The following MEIS2 variants were observed in gnomAD, a reference collection of about 807,000 sequenced individuals.
The protein encoded by MEIS2 is homeobox protein Meis2.
Under a neutral mutation model 58.6 loss-of-function variants are expected in MEIS2, and 9 were observed. That is an observed-to-expected ratio of 0.15 (90% CI 0.09 to 0.27). MEIS2 has a LOEUF of 0.27. Among genes scored for constraint, MEIS2 ranks in the 10% least tolerant of loss-of-function variants. The pLI, the probability that MEIS2 is intolerant of heterozygous loss-of-function variation, is 1.00. For missense variants in MEIS2, 427 were observed against 635.0 expected, an observed-to-expected ratio of 0.67 and a Z score of 3.52; for synonymous variants, 221 against 228.4, an observed-to-expected ratio of 0.97 and a Z score of 0.29.
intron 7 of MEIS2, among the ~76,000 whole-genome samples, chr15:37,082,798 A>C (rs1269553887): frequency 2.0e-5 from 3 of 152,120 alleles, no homozygotes; most frequent in Non-Finnish European, 4.4e-5. Context: ...TCCTAGTCAG[A>C]AGCTTGGAGG....
chr15:36,916,532 AGCAATCCTCCTGTCT>A (rs1288000345), intron 9 of MEIS2, among the ~76,000 whole-genome samples: 1 of 151,848 alleles, frequency 6.6e-6, no homozygotes, highest in Non-Finnish European at 1.5e-5. Context: ...TCTGGGCTCA[AGCAATCCTCCTGTCT>A]CAGCCTCCCA....
chr15:37,073,146 T>C (rs950003710), intron 7 of MEIS2, among the ~76,000 whole-genome samples: 1 of 152,098 alleles, frequency 6.6e-6, no homozygotes, highest in African/African-American at 2.4e-5. Flanking sequence ...GTCACCAAAA[T>C]GGACTTTTTA....
At chr15:36,976,284 C>T (rs2059752460) in intron 8 of MEIS2, among the ~76,000 whole-genome samples, 2 of 151,752 alleles carry the variant, frequency 1.3e-5, no homozygotes, top group South Asian at 2.1e-4. Context: ...CGGGGTTTCA[C>T]CATGTTGGCC....
intron 7 of MEIS2, among the ~76,000 whole-genome samples, chr15:37,067,201 T>C (rs1890067047): frequency 6.6e-6 from 1 of 151,792 alleles, no homozygotes; most frequent in Non-Finnish European, 1.5e-5. Flanking sequence ...GCGATCCTTC[T>C]GTCTCAGCCT....
In MEIS2 at chr15:36,895,252, A is replaced by G. The variant is rs368127920; in HGVS notation, c.1046T>C (p.Leu349Pro). ...TGCTCCTTGGCTCACTGAAGGATCA[A>G]GAAGAAAACCTGATTGTGGTCATTC... ...IDQSNRAGFL[L>P]DPSVSQGAAY... The change falls in exon 11 of 12, where the codon CTT (leucine) becomes CCT (proline). Residue 349 changes from leucine to proline, a missense_variant. Around this residue, in one of 6 missense-constraint regions of MEIS2, gnomAD observed 19 missense variants for 37.3 expected, o/e 0.51. Coordinates refer to ENST00000561208, the MANE Select transcript of MEIS2 (RefSeq NM_170675.5). 6.2e-7 allele frequency: 1 copy of G among 1,613,962 alleles called. No individual in the cohort carries two copies. Among genetic ancestry groups the G allele is most frequent in the African/African-American group, 1.3e-5 (1 of 74,940 alleles).
chr15:37,004,432 C>G (rs1013120590), intron 8 of MEIS2, among the ~76,000 whole-genome samples: 1 of 152,204 alleles, frequency 6.6e-6, no homozygotes, highest in Non-Finnish European at 1.5e-5. Context: ...TTGCTGTAGG[C>G]ATTATCAGCC....
At chr15:37,018,911 T>C (rs1412189112) in intron 8 of MEIS2, among the ~76,000 whole-genome samples, 2 of 152,134 alleles carry the variant, frequency 1.3e-5, no homozygotes, top group Admixed American at 6.5e-5. Context: ...TGGTTAAACA[T>C]ACTCTGGGTA....
At chr15:36,966,140 T>C (rs992080339) in intron 8 of MEIS2, among the ~76,000 whole-genome samples, 1 of 152,160 alleles carries the variant, frequency 6.6e-6, no homozygotes, top group Non-Finnish European at 1.5e-5. Flanking sequence ...ATAATTCATT[T>C]TGAGGAGGGC....
At chr15:36,920,442 C>T (rs757995388) in intron 9 of MEIS2, among the ~76,000 whole-genome samples, 3 of 152,090 alleles carry the variant, frequency 2.0e-5, no homozygotes, top group Admixed American at 6.6e-5. Flanking sequence ...CCACGGCGCC[C>T]GGTCTATACT....
chr15:36,901,562 C>T (rs993833287), intron 9 of MEIS2, among the ~76,000 whole-genome samples: 1 of 152,122 alleles, frequency 6.6e-6, no homozygotes, highest in African/African-American at 2.4e-5. Context: ...TCATATGTTA[C>T]TTAGGGACAG....
At chr15:37,094,113 C>A (rs61486969) in intron 5 of MEIS2, 2 of 257,330 alleles carry the variant, frequency 7.8e-6, no homozygotes, top group South Asian at 7.6e-5. Context: ...CTAGGGGTTT[C>A]GTATGTTTCC....
intron 8 of MEIS2, among the ~76,000 whole-genome samples, chr15:37,000,407 G>A (rs998627257): frequency 7.2e-5 from 11 of 152,076 alleles, no homozygotes; most frequent in African/African-American, 2.7e-4. Flanking sequence ...CAACTGCAGT[G>A]AGAAGATTTA....
rs553089716 is a variant in MEIS2 at position 36,927,306 on chromosome 15, T to G, written c.977+23018A>C. Among the ~76,000 whole-genome samples, 33 of 151,850 alleles carry G rather than the reference T, an allele frequency of 2.2e-4. 1 individual carries two copies. Among genetic ancestry groups the G allele is most frequent in the Admixed American group, 1.9e-3 (29 of 15,258 alleles). ...TATAAACCAGGGGTACAGAAATAAGTGGCCTGAGGAAGCAAGGTGAACTGT... is the reference window on the plus strand; with the variant it reads ...TATAAACCAGGGGTACAGAAATAAGGGGCCTGAGGAAGCAAGGTGAACTGT... On this transcript the variant is annotated intron_variant, in intron 9 of 11. Coordinates refer to ENST00000561208, the MANE Select transcript of MEIS2 (RefSeq NM_170675.5).
intron 8 of MEIS2, among the ~76,000 whole-genome samples, chr15:37,004,954 C>G (rs1013332135): frequency 6.6e-6 from 1 of 152,092 alleles, no homozygotes; most frequent in Non-Finnish European, 1.5e-5. Context: ...ATGTACTTCC[C>G]CCAAATATGT....
At chr15:37,017,308 C>A (rs923168817) in intron 8 of MEIS2, among the ~76,000 whole-genome samples, 1 of 152,166 alleles carries the variant, frequency 6.6e-6, no homozygotes, top group Non-Finnish European at 1.5e-5. Flanking sequence ...GAATAATCGT[C>A]TACACAGAGT....
In MEIS2 at chr15:36,892,298, C is replaced by T. The variant is rs374458760; in HGVS notation, c.1309G>A (p.Ala437Thr). Residue 437 changes from alanine (A) to threonine (T), a missense_variant, in exon 12 of 12, where the codon GCC (alanine) becomes ACC (threonine). By Grantham distance (58) the Ala-to-Thr change is moderately conservative. Coordinates refer to ENST00000561208, the MANE Select transcript of MEIS2 (RefSeq NM_170675.5). ...SYLPSHPHHP[A>T]MMMHGGPPTH... ...GGGGGTCCTCCGTGCATCATCATGG[C>T]TGGGTGGTGGGGATGGCTTGGCAAA... 6.2e-6 allele frequency: 10 copies of T among 1,613,542 alleles called. No individual in the cohort carries two copies. In the African/African-American group the frequency reaches 1.3e-4, roughly 22 times the overall value.
intron 11 of MEIS2, 76 bp from the exon 12 acceptor site, chr15:36,892,535 G>GAAAA: frequency 3.7e-5 from 19 of 509,950 alleles, no homozygotes; most frequent in East Asian, 7.6e-5. Flanking sequence ...AAGATGAAAA[G>GAAAA]AAAAAAAAAA....
chr15:37,067,723 T>C (rs1373832369), intron 7 of MEIS2, among the ~76,000 whole-genome samples: 1 of 152,024 alleles, frequency 6.6e-6, no homozygotes, highest in Non-Finnish European at 1.5e-5. Flanking sequence ...CTCCTTCTGC[T>C]CCAAACCCTG....
intron 9 of MEIS2, among the ~76,000 whole-genome samples, chr15:36,940,991 T>C (rs1030722671): frequency 6.6e-6 from 1 of 152,226 alleles, no homozygotes; most frequent in African/African-American, 2.4e-5. Context: ...TTAATCCCTA[T>C]GACTTTTGCC....
Sources: gnomAD v4.1 joint callset for allele counts (sites outside exome capture counted in the v4.1 genomes callset) on GRCh38, gnomAD v4.1.1 for gene constraint, gnomAD v4.1.1 regional missense constraint, MANE v1.5 for transcripts, NCBI Gene and HGNC (gene_info 2026-07-23, HGNC 2026-07-21) for gene names.